Variants in GRID1 observed in about 807,000 individuals in gnomAD.
GRID1 encodes glutamate receptor ionotropic, delta-1.
In GRID1, 28 loss-of-function variants were observed where a neutral mutation model predicts 98.0. That is an observed-to-expected ratio of 0.29 (90% CI 0.21 to 0.39). The LOEUF is 0.39. GRID1 is among the 10% of genes least tolerant of loss of function. GRID1 has a pLI of 1.00. For synonymous variants in GRID1, 553 were observed against 538.5 expected (o/e 1.03, Z -0.37); for missense variants, 1,111 against 1,340.5 (o/e 0.83, Z 2.67).
chr10:86,257,954 G>A (rs757155868), intron 2 of GRID1, among the ~76,000 whole-genome samples: 17 of 152,170 alleles, frequency 1.1e-4, no homozygotes, highest in Non-Finnish European at 2.1e-4. Flanking sequence ...CAACAGCAAT[G>A]AGCAAAACAC....
chr10:85,975,568 G>A (rs1173857933), intron 4 of GRID1, among the ~76,000 whole-genome samples: 2 of 152,220 alleles, frequency 1.3e-5, no homozygotes, highest in African/African-American at 2.4e-5. Context: ...ATCAACTGGA[G>A]TTTGCAAACA....
At chr10:86,348,039 G>T (rs1451162812) in intron 2 of GRID1, among the ~76,000 whole-genome samples, 1 of 152,220 alleles carries the variant, frequency 6.6e-6, no homozygotes, top group Non-Finnish European at 1.5e-5. Context: ...TCTCTGGGAA[G>T]ATGACCCCTG....
At chr10:86,224,718 C>T (rs945148639) in intron 2 of GRID1, among the ~76,000 whole-genome samples, 1 of 152,182 alleles carries the variant, frequency 6.6e-6, no homozygotes, top group Non-Finnish European at 1.5e-5. Context: ...ACGCAGCCAT[C>T]CAGAGCACTG....
chr10:86,225,973 C>T (rs1478582506), intron 2 of GRID1, among the ~76,000 whole-genome samples: 3 of 152,066 alleles, frequency 2.0e-5, no homozygotes, highest in African/African-American at 7.2e-5. Flanking sequence ...TCATGGGGAC[C>T]CACTCATTGG....
chr10:86,223,089 C>T (rs1247924505), intron 2 of GRID1, among the ~76,000 whole-genome samples: 1 of 152,200 alleles, frequency 6.6e-6, no homozygotes, highest in East Asian at 1.9e-4. Flanking sequence ...GTATACCAAA[C>T]CAAGGCAGAG....
intron 4 of GRID1, among the ~76,000 whole-genome samples, chr10:85,953,515 C>T (rs573539162): frequency 4.4e-4 from 67 of 152,248 alleles, no homozygotes; most frequent in Non-Finnish European, 8.7e-4. Flanking sequence ...CAACATTGTT[C>T]AAAGGTCAAC....
intron 3 of GRID1, among the ~76,000 whole-genome samples, chr10:86,179,866 C>T (rs1285594379): frequency 3.3e-5 from 5 of 152,212 alleles, no homozygotes; most frequent in South Asian, 2.1e-4. Flanking sequence ...CATCTTCCCC[C>T]GTAAAGTGGA....
chr10:86,275,490 A>C (rs996085000), intron 2 of GRID1, among the ~76,000 whole-genome samples: 5 of 152,156 alleles, frequency 3.3e-5, no homozygotes, highest in Admixed American at 2.0e-4. Flanking sequence ...AAATATGCTG[A>C]AAGTGGTAAA....
chr10:86,320,431 A>AC (rs1220377229), intron 2 of GRID1, among the ~76,000 whole-genome samples: 2 of 152,228 alleles, frequency 1.3e-5, no homozygotes, highest in Admixed American at 6.5e-5. Context: ...TGAAGTAAGC[A>AC]CGTCACAAAA....
intron 4 of GRID1, among the ~76,000 whole-genome samples, chr10:86,112,105 G>C (rs550301717): frequency 6.6e-6 from 1 of 152,178 alleles, no homozygotes; most frequent in Admixed American, 6.5e-5. Context: ...CTCAACACAG[G>C]AGTTGTCCAA....
At chr10:85,771,347 G>A (rs1181883281) in intron 8 of GRID1, among the ~76,000 whole-genome samples, 3 of 152,096 alleles carry the variant, frequency 2.0e-5, no homozygotes, top group East Asian at 1.9e-4. Flanking sequence ...AGGAACAACC[G>A]GTACCAGCCA....
chr10:85,843,422 G>A (rs963577833), intron 8 of GRID1, among the ~76,000 whole-genome samples: 8 of 151,878 alleles, frequency 5.3e-5, no homozygotes, highest in Non-Finnish European at 1.0e-4. Context: ...TATATAAAAG[G>A]AAAAATTGAT....
chr10:85,800,221 C>G (rs1590237710), intron 8 of GRID1, among the ~76,000 whole-genome samples: 1 of 151,342 alleles, frequency 6.6e-6, no homozygotes. Context: ...CCTCATTGGT[C>G]AAGCAAACCA....
At chr10:85,774,594 T>A (rs1054976150) in intron 8 of GRID1, among the ~76,000 whole-genome samples, 8 of 152,132 alleles carry the variant, frequency 5.3e-5, no homozygotes, top group African/African-American at 1.9e-4. Context: ...AGGGCTAATA[T>A]CCAGAATCTA....
At chr10:85,865,577 C>T (rs1477617760) in intron 6 of GRID1, among the ~76,000 whole-genome samples, 1 of 152,118 alleles carries the variant, frequency 6.6e-6, no homozygotes, top group Non-Finnish European at 1.5e-5. Flanking sequence ...TCACTAATTT[C>T]ATCAAGACAA....
At chr10:85,850,622 T>G (rs1318761787) in intron 8 of GRID1, among the ~76,000 whole-genome samples, 2 of 152,156 alleles carry the variant, frequency 1.3e-5, no homozygotes, top group African/African-American at 2.4e-5. Context: ...GGAGGCTGTG[T>G]TTTAGGCCTT....
At chr10:86,179,669 G>A (rs148112004) in intron 3 of GRID1, among the ~76,000 whole-genome samples, 52 of 152,284 alleles carry the variant, frequency 3.4e-4, no homozygotes, top group African/African-American at 1.1e-3. Context: ...GGGAACATCT[G>A]TACGAACCTC....
At chr10:85,654,016 T>C (rs1370653156) in intron 12 of GRID1, among the ~76,000 whole-genome samples, 1 of 152,194 alleles carries the variant, frequency 6.6e-6, no homozygotes, top group Non-Finnish European at 1.5e-5. Flanking sequence ...GTCGGTGTGA[T>C]TCTGAGTAGT....
chr10:85,877,389 C>T lies in GRID1; in HGVS notation c.781-8209G>A, dbSNP rs182313143. 9.7e-3 allele frequency among the ~76,000 whole-genome samples: 1,470 copies of T among 152,328 alleles called. 7 individuals carry two copies. Among genetic ancestry groups the T allele is most frequent in the Non-Finnish European group, 0.014 (978 of 68,024 alleles). On this transcript the variant is annotated intron_variant, in intron 5 of 15. Transcript: ENST00000327946. ...GACTGACACCTCACAGGGCTGGGTA[C>T]TCCTCTGAGACAAAACTTCCAGAGG...
Sources: gnomAD v4.1 joint callset for allele counts (sites outside exome capture counted in the v4.1 genomes callset) on GRCh38, gnomAD v4.1.1 for gene constraint, MANE v1.5 for transcripts, NCBI Gene and HGNC (gene_info 2026-07-23, HGNC 2026-07-21) for gene names.